The following AHDC1 variants were observed in gnomAD, a reference collection of about 807,000 sequenced individuals.
AHDC1 encodes the protein transcription factor Gibbin.
AHDC1 carries 7 observed loss-of-function variants against 87.9 expected under a neutral mutation model. The ratio of observed to expected loss-of-function variants is 0.08; its 90% CI spans 0.05 to 0.15. The LOEUF (loss-of-function observed/expected upper bound fraction) is 0.15, where lower values mean the gene tolerates loss of function less well. Among genes scored for constraint, AHDC1 ranks in the 10% least tolerant of loss-of-function variants. AHDC1 has a pLI of 1.00. For synonymous variants in AHDC1, 1,051 were observed against 1,006.8 expected (o/e 1.04, Z -0.83); for missense variants, 1,841 against 2,253.2 (o/e 0.82, Z 3.70).
At chr1:27,596,740 C>T (rs756582296) in intron 3 of AHDC1, among the ~76,000 whole-genome samples, 7 of 152,078 alleles carry the variant, frequency 4.6e-5, no homozygotes, top group African/African-American at 1.7e-4. Context: ...TATATGTACC[C>T]CCATCACACA....
At chr1:27,601,718 C>T (rs1351829491) in intron 3 of AHDC1, among the ~76,000 whole-genome samples, 1 of 152,246 alleles carries the variant, frequency 6.6e-6, no homozygotes, top group Admixed American at 6.5e-5. Flanking sequence ...ACCCCCCCAC[C>T]CCAGGTTGGG....
In AHDC1 at chr1:27,565,555, T is replaced by C. The variant is rs2020281831; in HGVS notation, c.-628-6672A>G. Among the ~76,000 whole-genome samples, 1 of 152,182 alleles carries C rather than the reference T, an allele frequency of 6.6e-6. No homozygotes were observed. Among genetic ancestry groups the C allele is most frequent in the South Asian group, 2.1e-4 (1 of 4,834 alleles). On this transcript the variant is annotated intron_variant, in intron 3 of 8. Coordinates refer to ENST00000673934, the MANE Select transcript of AHDC1 (RefSeq NM_001371928.1). This position sits in a 1 kb window ranked among gnomAD's most constrained non-coding sequence, Gnocchi z 4.6. ...TGCCCTGGACAAACATTCTGTCTGG[T>C]GTCCCCCGGCGCTGGTGAGCAAGGG...
chr1:27,549,971 C>T lies in AHDC1; in HGVS notation c.2145G>A (p.Pro715=). The change falls in exon 8 of 9, where the codon CCG becomes CCA. Residue 715 remains proline (P), a synonymous_variant. Coordinates refer to ENST00000673934, the MANE Select transcript of AHDC1 (RefSeq NM_001371928.1). ...GTGGGTGCCCCAACTCAGTAAGGCC[C>T]GGGCCCCCGACCCCAGCGGCTGCCA... ...VAVAAAGVGG[P]GLTELGHPRK... is the part of the protein sequence containing the mutation. 5.0e-6 allele frequency: 8 copies of T among 1,610,148 alleles called. No homozygotes were observed. Among genetic ancestry groups the T allele is most frequent in the East Asian group, 2.2e-5 (1 of 44,794 alleles).
Position 27,561,964 on chromosome 1 carries a change from T to G in AHDC1, c.-628-3081A>C. On this transcript the variant is annotated intron_variant, in intron 3 of 8. Transcript: ENST00000673934. The surrounding 1 kb of genome is among the most constrained non-coding windows in gnomAD (Gnocchi z 4.2). Reference sequence around the variant, plus strand: ...GGGAGGGGGTAGCTCAGGCCCAGAGTGAGTCTGAGGCCAGTAAGGACCAAG... The same window carrying G: ...GGGAGGGGGTAGCTCAGGCCCAGAGGGAGTCTGAGGCCAGTAAGGACCAAG... Among the ~76,000 whole-genome samples the G allele has an allele frequency of 2.7e-5, 4 of 146,870 alleles. No individual in the cohort carries two copies. The highest frequency in any genetic ancestry group is 2.0e-4 in the East Asian group (1 of 4,986).
At chr1:27,599,250 G>GC (rs887607022) in intron 3 of AHDC1, among the ~76,000 whole-genome samples, 11 of 151,992 alleles carry the variant, frequency 7.2e-5, no homozygotes, top group African/African-American at 2.4e-4. Context: ...CCCTGGTTGG[G>GC]CCCCCTCCCT....
rs1159142189 is a variant in AHDC1, at chr1:27,550,343, C to T, written c.1773G>A (p.Lys591=). 14 of 1,614,082 alleles carry T rather than the reference C, an allele frequency of 8.7e-6. No homozygotes were observed. Among genetic ancestry groups the T allele is most frequent in the Middle Eastern group, 1.6e-4 (1 of 6,062 alleles). ...ATGGCTGGGGAGATGCCAGCTTCTG[C>T]TTCCGCCGCCGTCGTTTTTTTACCT... ...MPEVKKRRRR[K]QKLASPQPSY... is the part of the protein sequence containing the mutation. The change falls in exon 8 of 9, where the codon AAG becomes AAA. Residue 591 remains lysine (K), a synonymous_variant. Coordinates refer to ENST00000673934, the MANE Select transcript of AHDC1 (RefSeq NM_001371928.1).
At chr1:27,572,658 G>A (rs1222145192) in intron 3 of AHDC1, among the ~76,000 whole-genome samples, 4 of 152,212 alleles carry the variant, frequency 2.6e-5, no homozygotes, top group African/African-American at 7.2e-5. Flanking sequence ...AAACCCAGGT[G>A]CAGGCAAAAC....
chr1:27,589,598 G>A (rs1251577182), intron 3 of AHDC1, among the ~76,000 whole-genome samples: 3 of 152,136 alleles, frequency 2.0e-5, no homozygotes, highest in Non-Finnish European at 2.9e-5. Context: ...GTATCTAAGC[G>A]TGTGCTTGTG....
rs2019485130 is a variant in AHDC1 at position 27,550,599 on chromosome 1, C to T, written c.1517G>A (p.Gly506Asp). 6.2e-7 allele frequency: 1 copy of T among 1,613,668 alleles called. No individual in the cohort carries two copies. The change falls in exon 8 of 9, where the codon GGC (glycine) becomes GAC (aspartate). Residue 506 changes from glycine (G) to aspartate (D), a missense_variant. This residue lies in a region of AHDC1 where 27 missense variants were observed against 58.6 expected (regional missense o/e 0.46). Transcript: ENST00000673934. Reference sequence around the variant, plus strand: ...CGACACGCGCAGGCCCAGCTCCTTGCCCTCCACGCTCAGGCTGCTGCTCAA... The same window carrying T: ...CGACACGCGCAGGCCCAGCTCCTTGTCCTCCACGCTCAGGCTGCTGCTCAA... ...SSLSSSLSVE[G>D]KELGLRVSAE...
chr1:27,560,720 A>G lies in AHDC1; in HGVS notation c.-628-1837T>C, dbSNP rs1301829860. ...GTGTATGTCAGTGGGTCCTTGTGCT[A>G]TGTCACTGTATGATTGTGCCAGTAT... is the stretch of plus-strand genomic sequence containing the variant. On this transcript the variant is annotated intron_variant, in intron 3 of 8. Transcript: ENST00000673934. This position sits in a 1 kb window ranked among gnomAD's most constrained non-coding sequence, Gnocchi z 4.1. 6.6e-6 allele frequency among the ~76,000 whole-genome samples: 1 copy of G among 151,890 alleles called. No individual in the cohort carries two copies. The highest frequency in any genetic ancestry group is 1.5e-5 in the Non-Finnish European group (1 of 67,982).
chr1:27,585,046 G>A (rs1223062693), intron 3 of AHDC1, among the ~76,000 whole-genome samples: 1 of 151,786 alleles, frequency 6.6e-6, no homozygotes, highest in Non-Finnish European at 1.5e-5. Flanking sequence ...GGTGGCAGGC[G>A]CCTGTAATCC....
intron 3 of AHDC1, among the ~76,000 whole-genome samples, chr1:27,586,182 A>C (rs2089051586): frequency 6.6e-6 from 1 of 152,164 alleles, no homozygotes; most frequent in African/African-American, 2.4e-5. Context: ...TGACATCAAA[A>C]TACTGTTTCT....
At chr1:27,578,430 A>T (rs2088817853) in intron 3 of AHDC1, among the ~76,000 whole-genome samples, 1 of 151,880 alleles carries the variant, frequency 6.6e-6, no homozygotes, top group Non-Finnish European at 1.5e-5. Context: ...CTCTACAAAA[A>T]ATACAAAAAT....
At position 27,560,611 on chromosome 1, in the gene AHDC1, GGTCA is replaced by G. The variant is rs2020031768; in HGVS notation, c.-628-1732_-628-1729del. Among the ~76,000 whole-genome samples, 1 of 152,014 alleles carries G rather than the reference GGTCA, an allele frequency of 6.6e-6. No individual in the cohort carries two copies. The highest frequency in any genetic ancestry group is 1.5e-5 in the Non-Finnish European group (1 of 67,988). On this transcript the variant is annotated intron_variant, in intron 3 of 8. Coordinates refer to ENST00000673934, the MANE Select transcript of AHDC1 (RefSeq NM_001371928.1). This position sits in a 1 kb window ranked among gnomAD's most constrained non-coding sequence, Gnocchi z 4.1. ...GTCCCTGTGGGTCTCTTTCACCATGGGTCAGTATGTGCTCGTGTGTGTGTCCATG... is the reference window on the plus strand; with the variant it reads ...GTCCCTGTGGGTCTCTTTCACCATGGGTATGTGCTCGTGTGTGTGTCCATG...
chr1:27,557,908 C>T (rs559187352), intron 5 of AHDC1, among the ~76,000 whole-genome samples: 34 of 152,346 alleles, frequency 2.2e-4, no homozygotes, highest in African/African-American at 7.7e-4. Context: ...GCCTTCCACA[C>T]ACACCTGCTT....
rs747874796 is a variant in AHDC1, at chr1:27,551,389, C to T, written c.727G>A (p.Asp243Asn). The change falls in exon 8 of 9, where the codon GAC becomes AAC. Residue 243 changes from aspartate (D) to asparagine (N), a missense_variant. Asp to Asn is a conservative substitution (Grantham distance 23). Coordinates refer to ENST00000673934, the MANE Select transcript of AHDC1 (RefSeq NM_001371928.1). ...AGGGAGGCCAGCTCACTAAGGATGT[C>T]GGCGTCAGCAAGTTCTGAGTAATCA... The part of the protein sequence containing the change: ...STDYSELADA[D>N]ILSELASLTC... 4 of 1,613,726 alleles carry T rather than the reference C, an allele frequency of 2.5e-6. No individual in the cohort carries two copies. The South Asian group carries it at 3.3e-5, about 13-fold the overall frequency.
At position 27,603,859 on chromosome 1, in the gene AHDC1, C is replaced by A. The variant is rs2089611604; in HGVS notation, c.-858G>T. 1 of 152,510 alleles carries A rather than the reference C, an allele frequency of 6.6e-6. No homozygotes were observed. Among genetic ancestry groups the A allele is most frequent in the Admixed American group, 6.5e-5 (1 of 15,274 alleles). 9.4% of individuals were successfully genotyped at this position (152,510 alleles called of 1,614,324 possible). A position where few individuals can be genotyped will look rare whatever the true frequency, so the allele number is the denominator to read the frequency against. The stretch of plus-strand genomic sequence containing the variant: ...CGCTCTCTCTGCCTTTCTCTGCTCT[C>A]CAAGCTGGGTGGGAAAAGGAAATGA... On this transcript the variant is annotated 5_prime_UTR_variant, in exon 2 of 9. Coordinates refer to ENST00000673934, the MANE Select transcript of AHDC1 (RefSeq NM_001371928.1).
In AHDC1 at chr1:27,603,862, A is replaced by G. The variant is rs2089611750; in HGVS notation, c.-861T>C. 6.6e-6 allele frequency: 1 copy of G among 151,614 alleles called. No individual in the cohort carries two copies. Among genetic ancestry groups the G allele is most frequent in the African/African-American group, 2.4e-5 (1 of 41,010 alleles). The allele number at this position is 151,614 out of a possible 1,614,324, so 9.4% of individuals were successfully genotyped here. On this transcript the variant is annotated splice_region_variant and 5_prime_UTR_variant, in exon 2 of 9. Coordinates refer to ENST00000673934, the MANE Select transcript of AHDC1 (RefSeq NM_001371928.1). ...TCTCTCTGCCTTTCTCTGCTCTCCA[A>G]GCTGGGTGGGAAAAGGAAATGAGGA...
chr1:27,592,894 C>A (rs929111598), intron 3 of AHDC1, among the ~76,000 whole-genome samples: 1 of 151,038 alleles, frequency 6.6e-6, no homozygotes, highest in East Asian at 1.9e-4. Context: ...AGGCTTGGGC[C>A]CCTGGCCCAA....
Sources: gnomAD v4.1 joint callset for allele counts (sites outside exome capture counted in the v4.1 genomes callset) on GRCh38, gnomAD v4.1.1 for gene constraint, gnomAD v4.1.1 regional missense constraint, Gnocchi (gnomAD v3.1) non-coding constraint, MANE v1.5 for transcripts, NCBI Gene and HGNC (gene_info 2026-07-23, HGNC 2026-07-21) for gene names.